The following SPMAP2L variants were observed in gnomAD, a reference collection of about 807,000 sequenced individuals.
The protein encoded by SPMAP2L is sperm microtubule associated protein 2-like.
chr4:56,580,156 T>C, the SPMAP2L span, among the ~76,000 whole-genome samples: 1 of 152,162 alleles, frequency 6.6e-6, no homozygotes, highest in Non-Finnish European at 1.5e-5. Context: ...TGAATATACA[T>C]GCTATAATCC....
the SPMAP2L span, among the ~76,000 whole-genome samples, chr4:56,589,649 C>G: frequency 2.7e-5 from 4 of 150,648 alleles, no homozygotes; most frequent in Non-Finnish European, 5.9e-5. Context: ...GGTCTTTTGA[C>G]TCCTTGGTTA....
chr4:56,595,289 C>G, the SPMAP2L span: 1 of 1,612,706 alleles, frequency 6.2e-7, no homozygotes, highest in Non-Finnish European at 8.5e-7. Flanking sequence ...AATATTGAGG[C>G]AGTGGATGTG....
At chr4:56,625,977 C>T in the SPMAP2L span, among the ~76,000 whole-genome samples, 1 of 152,188 alleles carries the variant, frequency 6.6e-6, no homozygotes, top group Non-Finnish European at 1.5e-5. Flanking sequence ...TGTGGGTTGG[C>T]CACACTGGTC....
chr4:56,625,086 C>T, the SPMAP2L span, among the ~76,000 whole-genome samples: 1 of 152,180 alleles, frequency 6.6e-6, no homozygotes, highest in African/African-American at 2.4e-5. Context: ...GAACCCATCT[C>T]TTGTGGGTGA....
the SPMAP2L span, among the ~76,000 whole-genome samples, chr4:56,591,224 C>T: frequency 2.6e-5 from 4 of 152,084 alleles, no homozygotes; most frequent in African/African-American, 9.7e-5. Context: ...GTGTGTAGCA[C>T]CTTCCCCTTT....
At chr4:56,587,140 A>AT in the SPMAP2L span, among the ~76,000 whole-genome samples, 3 of 151,944 alleles carry the variant, frequency 2.0e-5, no homozygotes, top group Non-Finnish European at 4.4e-5. Flanking sequence ...GCCCTAAATA[A>AT]TTTTTTTTAC....
the SPMAP2L span, among the ~76,000 whole-genome samples, chr4:56,624,342 T>G: frequency 2.0e-5 from 3 of 152,136 alleles, no homozygotes; most frequent in Non-Finnish European, 2.9e-5. Flanking sequence ...TTTCAAAAAT[T>G]TGCAGCCTAT....
At chr4:56,566,408 A>G in the SPMAP2L span, among the ~76,000 whole-genome samples, 4 of 152,112 alleles carry the variant, frequency 2.6e-5, no homozygotes, top group Non-Finnish European at 2.9e-5. Flanking sequence ...CATGTTGGCC[A>G]GGCTGGTCTT....
the SPMAP2L span, among the ~76,000 whole-genome samples, chr4:56,568,478 TA>T: frequency 1.7e-4 from 26 of 152,258 alleles, no homozygotes; most frequent in Middle Eastern, 3.4e-3. Context: ...GGTTTTCTTT[TA>T]AAAAAATAGC....
At chr4:56,586,653 T>C in the SPMAP2L span, among the ~76,000 whole-genome samples, 2 of 152,236 alleles carry the variant, frequency 1.3e-5, no homozygotes, top group Non-Finnish European at 2.9e-5. Context: ...GGTCTCTCCA[T>C]GTGGCTTAGA....
At chr4:56,594,397 C>T in the SPMAP2L span, 13 of 1,586,180 alleles carry the variant, frequency 8.2e-6, no homozygotes, top group Non-Finnish European at 1.0e-5. Flanking sequence ...CAAACATCCA[C>T]CCCTTTGTGC....
chr4:56,604,331 TA>T, the SPMAP2L span, among the ~76,000 whole-genome samples: 1 of 152,164 alleles, frequency 6.6e-6, no homozygotes, highest in Non-Finnish European at 1.5e-5. Flanking sequence ...ATGTATATAA[TA>T]AAGTATATAT....
chr4:56,538,843 T>C, the SPMAP2L span, among the ~76,000 whole-genome samples: 2,097 of 152,282 alleles, frequency 0.014, 50 homozygotes, highest in African/African-American at 0.048. Context: ...TAAAGCCTTC[T>C]ACCTTCTCAA....
chr4:56,577,719 T>C, the SPMAP2L span, among the ~76,000 whole-genome samples: 1 of 152,162 alleles, frequency 6.6e-6, no homozygotes, highest in Non-Finnish European at 1.5e-5. Context: ...ATTGAGATAA[T>C]TCATTGCCAG....
the SPMAP2L span, among the ~76,000 whole-genome samples, chr4:56,604,658 CA>C: frequency 5.0e-4 from 69 of 137,030 alleles, no homozygotes; most frequent in South Asian, 1.6e-3. Flanking sequence ...GACTCCATCT[CA>C]AAAAAAAAAA....
At chr4:56,588,503 C>T in the SPMAP2L span, among the ~76,000 whole-genome samples, 1 of 151,156 alleles carries the variant, frequency 6.6e-6, no homozygotes, top group South Asian at 2.1e-4. Context: ...GCGATCTTGG[C>T]TCACTGCAAC....
chr4:56,620,418 T>C, the SPMAP2L span, among the ~76,000 whole-genome samples: 1,219 of 151,618 alleles, frequency 8.0e-3, 15 homozygotes, highest in African/African-American at 0.029. Context: ...GGAATTTTGT[T>C]CTTGTTGCCC....
chr4:56,625,924 AG>A, the SPMAP2L span, among the ~76,000 whole-genome samples: 1 of 152,178 alleles, frequency 6.6e-6, no homozygotes, highest in Admixed American at 6.5e-5. Context: ...GACAATCTCC[AG>A]GGTTTCTCCA....
the SPMAP2L span, among the ~76,000 whole-genome samples, chr4:56,584,933 A>T: frequency 2.0e-5 from 3 of 152,226 alleles, no homozygotes; most frequent in Non-Finnish European, 2.9e-5. Flanking sequence ...ATGAGATATA[A>T]TAGGGGCAAG....
Sources: gnomAD v4.1 joint callset for allele counts (sites outside exome capture counted in the v4.1 genomes callset) on GRCh38, gnomAD v4.1.1 for gene constraint, MANE v1.5 for transcripts, NCBI Gene and HGNC (gene_info 2026-07-23, HGNC 2026-07-21) for gene names.